CTPS1: variants seen among roughly 807,000 people sequenced by gnomAD.
The protein encoded by CTPS1 is CTP synthase 1.
Under a neutral mutation model 80.5 loss-of-function variants are expected in CTPS1, and 25 were observed. The observed-to-expected ratio is 0.31, with a 90% CI of 0.23 to 0.43. CTPS1 has a LOEUF of 0.43. Among genes scored for constraint, CTPS1 ranks in the 20% least tolerant of loss-of-function variants. The pLI, the probability that CTPS1 is intolerant of heterozygous loss-of-function variation, is 1.00. For missense variants in CTPS1, 442 were observed against 725.7 expected (o/e 0.61, Z 4.49); for synonymous variants, 267 against 252.5 (o/e 1.06, Z -0.54).
chr1:40,997,779 C>A (rs944172730), intron 9 of CTPS1, among the ~76,000 whole-genome samples: 10 of 152,164 alleles, frequency 6.6e-5, no homozygotes, highest in African/African-American at 2.4e-4. Context: ...CTATGACTAT[C>A]AGGTAACCAA....
chr1:40,992,729 C>T (rs1412401595), intron 7 of CTPS1, among the ~76,000 whole-genome samples: 3 of 143,604 alleles, frequency 2.1e-5, no homozygotes, highest in East Asian at 2.0e-4. Context: ...CTCGCTGTGT[C>T]GCCCAGGCTG....
In CTPS1 at chr1:41,007,647, G is replaced by T; in HGVS notation, c.1393+102G>T. On this transcript the variant is annotated intron_variant, in intron 14 of 18. Coordinates refer to ENST00000650070, the MANE Select transcript of CTPS1 (RefSeq NM_001905.4). This position sits in a 1 kb window ranked among gnomAD's most constrained non-coding sequence, Gnocchi z 4.4. ...TCGAGGAGCAGGCTGGCTTTTTTTG[G>T]TTTCGTTCTTGCTTTTGAAGTTCAT... 1 of 914,342 alleles carries T rather than the reference G, an allele frequency of 1.1e-6. No individual in the cohort carries two copies. 56.6% of individuals were successfully genotyped at this position (914,342 alleles called of 1,614,324 possible).
At chr1:40,989,017 A>G (rs1642530608) in intron 5 of CTPS1, among the ~76,000 whole-genome samples, 1 of 152,202 alleles carries the variant, frequency 6.6e-6, no homozygotes, top group South Asian at 2.1e-4. Flanking sequence ...AGAGGAGTCA[A>G]TAGTAACAAA....
In CTPS1 at chr1:41,002,359, G is replaced by C. The variant is rs931765443; in HGVS notation, c.1189+105G>C. 1.2e-4 allele frequency: 108 copies of C among 895,302 alleles called. No homozygotes were observed. In the East Asian group the frequency reaches 2.7e-3, roughly 22 times the overall value. The allele number at this position is 895,302 out of a possible 1,614,324, so 55.5% of individuals were successfully genotyped here. A position where few individuals can be genotyped will look rare whatever the true frequency, so the allele number is the denominator to read the frequency against. ...AGTGGGGGGATTACTGAAACATGCT[G>C]TCTTTGTGGATAGGAGCTCAAGTAG... On this transcript the variant is annotated intron_variant, in intron 11 of 18. Coordinates refer to ENST00000650070, the MANE Select transcript of CTPS1 (RefSeq NM_001905.4).
intron 7 of CTPS1, among the ~76,000 whole-genome samples, chr1:40,992,050 G>A (rs1434498366): frequency 6.6e-6 from 1 of 152,114 alleles, no homozygotes; most frequent in African/African-American, 2.4e-5. Context: ...GTGCCTCGTT[G>A]TACTTTGTGC....
chr1:40,984,712 T>C, intron 2 of CTPS1, 109 bp from the exon 3 acceptor site: 1 of 826,234 alleles, frequency 1.2e-6, no homozygotes, highest in Non-Finnish European at 1.8e-6. Context: ...CTGTGCTTCC[T>C]ATTACGTAAT....
intron 1 of CTPS1, chr1:40,980,322 G>C (rs1196068329): frequency 6.6e-6 from 1 of 152,026 alleles, no homozygotes; most frequent in Non-Finnish European, 1.5e-5. Flanking sequence ...CCGGGGCTGG[G>C]CGCGGCAGCT....
In CTPS1 at chr1:41,007,411, A is replaced by G. The variant is rs762203697; in HGVS notation, c.1297-38A>G. The G allele has an allele frequency of 1.9e-6, 3 of 1,581,408 alleles. No homozygotes were observed. Among genetic ancestry groups the G allele is most frequent in the Non-Finnish European group, 2.6e-6 (3 of 1,151,156 alleles). On this transcript the variant is annotated intron_variant, in intron 13 of 18. Coordinates refer to ENST00000650070, the MANE Select transcript of CTPS1 (RefSeq NM_001905.4). The surrounding 1 kb of genome is among the most constrained non-coding windows in gnomAD (Gnocchi z 4.4). ...GGAGGTTTCTCTCTAGCGGAAGCAG[A>G]GTTCTGTAGTTGGTGTCTGTTTTCT...
At position 41,007,557 on chromosome 1, in the gene CTPS1, C is replaced by T; in HGVS notation, c.1393+12C>T. The T allele has an allele frequency of 6.2e-7, 1 of 1,611,376 alleles. No homozygotes were observed. Among genetic ancestry groups the T allele is most frequent in the Non-Finnish European group, 8.5e-7 (1 of 1,177,924 alleles). On this transcript the variant is annotated intron_variant, in intron 14 of 18. Transcript: ENST00000650070. This position sits in a 1 kb window ranked among gnomAD's most constrained non-coding sequence, Gnocchi z 4.4. ...GAACTCAGTCATGAGTAAGAGCTGC[C>T]TCACGCTGGCCCAGCCTTTGGCTCT...
At chr1:40,984,449 C>G (rs1428003213) in intron 2 of CTPS1, among the ~76,000 whole-genome samples, 4 of 152,198 alleles carry the variant, frequency 2.6e-5, no homozygotes, top group African/African-American at 9.7e-5. Context: ...TGTTATCATA[C>G]TTTAAACCAT....
intron 12 of CTPS1, 126 bp downstream of exon 12, chr1:41,003,302 G>A: frequency 2.0e-6 from 2 of 993,816 alleles, no homozygotes; most frequent in Non-Finnish European, 3.1e-6. Context: ...GCACCTCATG[G>A]TGTGCCGTAA....
chr1:40,985,771 A>T (rs1344254451), intron 3 of CTPS1, among the ~76,000 whole-genome samples: 2 of 152,156 alleles, frequency 1.3e-5, no homozygotes, highest in Non-Finnish European at 2.9e-5. Flanking sequence ...TAATTGGGTC[A>T]TGTTTGGATC....
chr1:40,996,636 G>T (rs560255869), intron 8 of CTPS1, among the ~76,000 whole-genome samples: 14 of 152,350 alleles, frequency 9.2e-5, no homozygotes, highest in Admixed American at 7.8e-4. Context: ...CAATATGATG[G>T]CCTAGAAGCA....
intron 4 of CTPS1, 77 bp downstream of exon 4, chr1:40,987,549 C>T (rs559542688): frequency 2.9e-6 from 3 of 1,044,364 alleles, no homozygotes; most frequent in Non-Finnish European, 4.4e-6. Flanking sequence ...AAGACAGTTC[C>T]CAGTGGAGCC....
At chr1:41,004,563 C>T (rs902221418) in intron 12 of CTPS1, among the ~76,000 whole-genome samples, 1 of 152,106 alleles carries the variant, frequency 6.6e-6, no homozygotes, top group Admixed American at 6.6e-5. Flanking sequence ...TGAGACTGGA[C>T]CCTGGTTCAG....
chr1:41,002,827 C>T (rs1435967134), intron 11 of CTPS1, among the ~76,000 whole-genome samples: 1 of 152,128 alleles, frequency 6.6e-6, no homozygotes, highest in East Asian at 1.9e-4. Flanking sequence ...GAGTGGGCAA[C>T]AGCAAGACCC....
intron 7 of CTPS1, among the ~76,000 whole-genome samples, chr1:40,994,004 C>T (rs530674201): frequency 3.9e-5 from 6 of 152,204 alleles, no homozygotes; most frequent in South Asian, 2.1e-4. Context: ...GTTGCGAACT[C>T]CTGACCTCAG....
At chr1:41,003,657 A>G (rs1007890921) in intron 12 of CTPS1, among the ~76,000 whole-genome samples, 2 of 152,240 alleles carry the variant, frequency 1.3e-5, no homozygotes, top group Admixed American at 1.3e-4. Flanking sequence ...TCACATGATT[A>G]AGGGAGATAA....
chr1:40,983,917 C>G (rs1642383035), intron 2 of CTPS1, among the ~76,000 whole-genome samples: 1 of 152,182 alleles, frequency 6.6e-6, no homozygotes, highest in South Asian at 2.1e-4. Context: ...CCTTTTACTT[C>G]TTTGTTGTTA....
Sources: gnomAD v4.1 joint callset for allele counts (sites outside exome capture counted in the v4.1 genomes callset) on GRCh38, gnomAD v4.1.1 for gene constraint, Gnocchi (gnomAD v3.1) non-coding constraint, MANE v1.5 for transcripts, NCBI Gene and HGNC (gene_info 2026-07-23, HGNC 2026-07-21) for gene names.